Variants in RYR2 observed in about 807,000 individuals in gnomAD.
RYR2 encodes the protein ryanodine receptor 2.
RYR2 carries 227 observed loss-of-function variants against 601.1 expected under a neutral mutation model. That is an observed-to-expected ratio of 0.38 (90% confidence interval 0.34 to 0.42). RYR2 has a LOEUF of 0.42. Among genes scored for constraint, RYR2 ranks in the 10% least tolerant of loss-of-function variants. The pLI is 1.00. For missense variants in RYR2, 4,646 were observed against 6,156.5 expected (o/e 0.75, Z 8.21); for synonymous variants, 2,223 against 2,175.1 (o/e 1.02, Z -0.61).
chr1:237,573,813 G>GA (rs781154259), intron 29 of RYR2, among the ~76,000 whole-genome samples: 5 of 151,064 alleles, frequency 3.3e-5, no homozygotes, highest in African/African-American at 9.7e-5. Context: ...GACTCCGTCT[G>GA]AAAAAAAATG....
intron 1 of RYR2, among the ~76,000 whole-genome samples, chr1:237,066,162 A>T (rs1663588346): frequency 6.6e-6 from 1 of 152,188 alleles, no homozygotes; most frequent in Admixed American, 6.5e-5. Flanking sequence ...CATGCTATGG[A>T]CATACCACAT....
chr1:237,388,086 G>A lies in RYR2; in HGVS notation c.677-1G>A, dbSNP rs794728697. ...ACCTGAATGATTTTTTATCCTTACA[G>A]GGTATCTCATTGGTGGTGATGTCCT... On this transcript the variant is annotated splice_acceptor_variant, in intron 9 of 104. Transcript: ENST00000366574. LOFTEE classifies it high-confidence loss of function. 1.2e-6 allele frequency: 2 copies of A among 1,613,376 alleles called. No homozygotes were observed.
At chr1:237,350,590 A>T (rs1259511821) in intron 3 of RYR2, among the ~76,000 whole-genome samples, 1,416 of 95,998 alleles carry the variant, frequency 0.015, 58 homozygotes, top group African/African-American at 0.055. Context: ...AAAAAAAAAA[A>T]AAAAAAAAAA....
chr1:237,628,790 TA>T (rs1267528729), intron 41 of RYR2, among the ~76,000 whole-genome samples: 5 of 151,928 alleles, frequency 3.3e-5, no homozygotes, highest in South Asian at 4.2e-4. Context: ...TTTAATACAT[TA>T]AAAAAATAAA....
rs773885856 is a variant in RYR2 at position 237,550,701 on chromosome 1, T to C, written c.3214+10T>C. ...CCAGATCAAGATCATGGTATTTTGG[T>C]TTTACTTTCCTCTTCTTCGGTTGCA... is the stretch of plus-strand genomic sequence containing the variant. On this transcript the variant is annotated intron_variant, in intron 27 of 104. Transcript: ENST00000366574. 1 of 1,539,294 alleles carries C rather than the reference T, an allele frequency of 6.5e-7. No individual in the cohort carries two copies. Among genetic ancestry groups the C allele is most frequent in the Non-Finnish European group, 8.8e-7 (1 of 1,142,594 alleles).
intron 1 of RYR2, among the ~76,000 whole-genome samples, chr1:237,073,058 A>C (rs965201500): frequency 2.0e-5 from 3 of 152,184 alleles, no homozygotes; most frequent in African/African-American, 7.2e-5. Flanking sequence ...CGCACGCTGA[A>C]CTAGACACTT....
intron 34 of RYR2, 140 bp downstream of exon 34, chr1:237,595,797 C>T (rs1279189797): frequency 1.0e-6 from 1 of 997,228 alleles, no homozygotes; most frequent in East Asian, 2.8e-5. Context: ...CCGAGCAGAC[C>T]TGCCCCTAGC....
intron 1 of RYR2, among the ~76,000 whole-genome samples, chr1:237,167,129 A>T (rs1676794189): frequency 6.6e-6 from 1 of 152,174 alleles, no homozygotes; most frequent in African/African-American, 2.4e-5. Context: ...ATATTTGATG[A>T]AACCGACTGC....
At chr1:237,167,810 T>A (rs979421321) in intron 1 of RYR2, among the ~76,000 whole-genome samples, 7 of 151,036 alleles carry the variant, frequency 4.6e-5, no homozygotes, top group African/African-American at 1.7e-4. Flanking sequence ...TATAGCAGCC[T>A]TGAACTCCCA....
chr1:237,720,691 C>T (rs1261664016), intron 73 of RYR2, among the ~76,000 whole-genome samples: 1 of 152,138 alleles, frequency 6.6e-6, no homozygotes, highest in African/African-American at 2.4e-5. Flanking sequence ...CCCCAGGGGA[C>T]CCTAGACCAT....
chr1:237,435,153 T>C (rs7543367), intron 12 of RYR2, among the ~76,000 whole-genome samples: 109,939 of 152,162 alleles, frequency 0.72, 40,094 homozygotes, highest in East Asian at 0.83. Flanking sequence ...ATGTTTCAGA[T>C]GTTTTAAAAT....
intron 5 of RYR2, among the ~76,000 whole-genome samples, chr1:237,368,061 G>C (rs1700344752): frequency 6.6e-6 from 1 of 152,136 alleles, no homozygotes; most frequent in Non-Finnish European, 1.5e-5. Flanking sequence ...AGAGTGAGTA[G>C]CTTTGAGGAA....
chr1:237,795,919 CGCGTATGTGTGTACATATGTAT>C (rs6143695), intron 96 of RYR2, among the ~76,000 whole-genome samples: 81,781 of 144,172 alleles, frequency 0.57, 24,715 homozygotes, highest in East Asian at 0.88. Flanking sequence ...CACATATGCA[CGCGTATGTGTGTACATATGTAT>C]GTGTGCATAT....
At chr1:237,333,908 A>C (rs1558640002) in intron 3 of RYR2, among the ~76,000 whole-genome samples, 1 of 152,216 alleles carries the variant, frequency 6.6e-6, no homozygotes, top group Non-Finnish European at 1.5e-5. Flanking sequence ...CAGTGAGTCA[A>C]AAAGAACCTC....
intron 67 of RYR2, among the ~76,000 whole-genome samples, chr1:237,705,889 A>G (rs1351756903): frequency 6.6e-6 from 1 of 152,240 alleles, no homozygotes; most frequent in African/African-American, 2.4e-5. Context: ...AAAATTGTCT[A>G]GATGAACATG....
intron 1 of RYR2, among the ~76,000 whole-genome samples, chr1:237,254,805 G>C (rs188640414): frequency 5.1e-4 from 78 of 152,256 alleles, no homozygotes; most frequent in Admixed American, 2.2e-3. Flanking sequence ...ATGCTCTCTG[G>C]TGTAATTACC....
intron 2 of RYR2, among the ~76,000 whole-genome samples, chr1:237,275,370 G>C (rs1335300596): frequency 6.6e-6 from 1 of 151,672 alleles, no homozygotes; most frequent in Non-Finnish European, 1.5e-5. Flanking sequence ...CATTCAGAAA[G>C]GGAAAAATAA....
At chr1:237,649,759 C>A in intron 49 of RYR2, 118 bp from the exon 50 acceptor site, 3 of 781,476 alleles carry the variant, frequency 3.8e-6, no homozygotes, top group South Asian at 3.9e-5. Flanking sequence ...AATACATTTC[C>A]ATGTGTCATA....
chr1:237,761,723 T>A (rs942330897), intron 84 of RYR2, among the ~76,000 whole-genome samples: 3 of 152,140 alleles, frequency 2.0e-5, no homozygotes, highest in Non-Finnish European at 4.4e-5. Context: ...AAGAAAAAAA[T>A]CTTCAGTAGT....
Sources: allele counts gnomAD v4.1 joint callset (sites outside exome capture counted in the v4.1 genomes callset), GRCh38; gene constraint gnomAD v4.1.1; transcripts MANE v1.5; gene names NCBI Gene and HGNC (gene_info 2026-07-23, HGNC 2026-07-21).